LRP1B: variants seen among roughly 807,000 people sequenced by gnomAD.
LRP1B encodes low-density lipoprotein receptor-related protein 1B.
Under a neutral mutation model 556.6 loss-of-function variants are expected in LRP1B, and 217 were observed. The observed-to-expected ratio is 0.39, with a 90% CI of 0.35 to 0.44. LRP1B has a LOEUF of 0.44. LRP1B is among the 20% of genes least tolerant of loss of function. The pLI, the probability that LRP1B is intolerant of heterozygous loss-of-function variation, is 1.00. For synonymous variants in LRP1B, 2,047 were observed against 1,865.8 expected (o/e 1.10, Z -2.50); for missense variants, 5,053 against 5,620.8 (o/e 0.90, Z 3.23).
chr2:142,025,887 A>G (rs570733884), intron 1 of LRP1B, among the ~76,000 whole-genome samples: 3 of 152,244 alleles, frequency 2.0e-5, no homozygotes, highest in South Asian at 2.1e-4. Context: ...TCGAATTACA[A>G]TGATAACAAG....
Position 140,742,990 on chromosome 2 carries a change from A to C in LRP1B, c.5759-26174T>G, listed in dbSNP as rs565452352. On this transcript the variant is annotated intron_variant, in intron 35 of 90. Transcript: ENST00000389484. ...GAATTTGGGCAGTAAAATAAACATAAACTAATTAAAAATAAGACAAAGATT... is the reference window on the plus strand; with the variant it reads ...GAATTTGGGCAGTAAAATAAACATACACTAATTAAAAATAAGACAAAGATT... Among the ~76,000 whole-genome samples the C allele has an allele frequency of 1.1e-4, 17 of 152,316 alleles. No individual in the cohort carries two copies. In the East Asian group the frequency reaches 3.3e-3, roughly 29 times the overall value.
chr2:140,729,870 T>C (rs1687718282), intron 35 of LRP1B, among the ~76,000 whole-genome samples: 1 of 152,224 alleles, frequency 6.6e-6, no homozygotes, highest in South Asian at 2.1e-4. Context: ...TGAATGATCA[T>C]GCATAACTGC....
chr2:141,716,283 G>C (rs1201319389), intron 2 of LRP1B, among the ~76,000 whole-genome samples: 1 of 152,208 alleles, frequency 6.6e-6, no homozygotes, highest in Non-Finnish European at 1.5e-5. Context: ...AACAGCCACA[G>C]CAGCAAAATT....
intron 2 of LRP1B, among the ~76,000 whole-genome samples, chr2:141,732,628 C>T (rs1443174884): frequency 6.6e-6 from 1 of 152,044 alleles, no homozygotes; most frequent in East Asian, 1.9e-4. Flanking sequence ...CAGTAAGAAA[C>T]ACACACACAG....
chr2:141,221,720 C>G (rs1186039671), intron 6 of LRP1B, among the ~76,000 whole-genome samples: 1 of 151,978 alleles, frequency 6.6e-6, no homozygotes, highest in Non-Finnish European at 1.5e-5. Context: ...AAATCATTAC[C>G]AACTGTATCT....
intron 1 of LRP1B, among the ~76,000 whole-genome samples, chr2:141,836,708 A>G (rs1270725142): frequency 1.3e-5 from 2 of 152,036 alleles, no homozygotes; most frequent in East Asian, 1.9e-4. Context: ...CTTAATTGCA[A>G]TATATTTGTG....
At chr2:141,374,013 A>G (rs549619906) in intron 3 of LRP1B, among the ~76,000 whole-genome samples, 4 of 152,214 alleles carry the variant, frequency 2.6e-5, no homozygotes, top group Non-Finnish European at 5.9e-5. Context: ...TACATGTTTA[A>G]GATCCTTTTG....
chr2:141,119,144 A>G (rs1700980788), intron 7 of LRP1B, among the ~76,000 whole-genome samples: 1 of 151,888 alleles, frequency 6.6e-6, no homozygotes, highest in South Asian at 2.1e-4. Context: ...TCTTTAACAC[A>G]ATTTTGAGAT....
At chr2:140,905,086 C>T (rs1233757057) in intron 22 of LRP1B, among the ~76,000 whole-genome samples, 1 of 152,108 alleles carries the variant, frequency 6.6e-6, no homozygotes, top group Non-Finnish European at 1.5e-5. Flanking sequence ...TTTTTATTAC[C>T]TGACAAAGAC....
intron 2 of LRP1B, among the ~76,000 whole-genome samples, chr2:141,605,175 A>G (rs545876458): frequency 6.6e-6 from 1 of 152,302 alleles, no homozygotes; most frequent in Non-Finnish European, 1.5e-5. Context: ...ACTATGGCCC[A>G]CAAGCAAATC....
chr2:141,707,343 A>G (rs1047096592), intron 2 of LRP1B, among the ~76,000 whole-genome samples: 5 of 152,062 alleles, frequency 3.3e-5, no homozygotes, highest in African/African-American at 1.2e-4. Flanking sequence ...AAAAGGTCCT[A>G]CTGTTCTCAG....
At chr2:140,678,056 A>G (rs1367204693) in intron 41 of LRP1B, among the ~76,000 whole-genome samples, 2 of 152,174 alleles carry the variant, frequency 1.3e-5, no homozygotes, top group African/African-American at 4.8e-5. Context: ...AATAGTAAAA[A>G]GCAGAGCCAC....
In LRP1B at chr2:141,039,845, T is replaced by C. The variant is rs191847910; in HGVS notation, c.1789+9141A>G. 5.9e-5 allele frequency among the ~76,000 whole-genome samples: 9 copies of C among 152,204 alleles called. No homozygotes were observed. The East Asian group carries it at 1.4e-3, about 23-fold the overall frequency. On this transcript the variant is annotated intron_variant, in intron 11 of 90. Coordinates refer to ENST00000389484, the MANE Select transcript of LRP1B (RefSeq NM_018557.3). ...TCTACTTTTCAGACAAAAATACATA[T>C]ATTGGTTCAAATTACTTTTCAAACA...
chr2:141,318,397 G>T (rs1323725699), intron 3 of LRP1B, among the ~76,000 whole-genome samples: 9 of 152,092 alleles, frequency 5.9e-5, no homozygotes, highest in Non-Finnish European at 1.2e-4. Context: ...ATATGAATTT[G>T]GGGTTGTTTT....
intron 3 of LRP1B, among the ~76,000 whole-genome samples, chr2:141,268,118 A>T (rs1684957326): frequency 6.6e-6 from 1 of 152,190 alleles, no homozygotes; most frequent in Non-Finnish European, 1.5e-5. Flanking sequence ...GAACAAAGAC[A>T]AATGCAAAGC....
At chr2:141,461,994 T>C (rs902959758) in intron 3 of LRP1B, among the ~76,000 whole-genome samples, 4 of 152,230 alleles carry the variant, frequency 2.6e-5, no homozygotes, top group African/African-American at 9.6e-5. Flanking sequence ...GTTCATCTTA[T>C]ACCATTTTCC....
At chr2:141,732,546 G>C (rs998069175) in intron 2 of LRP1B, among the ~76,000 whole-genome samples, 1 of 152,018 alleles carries the variant, frequency 6.6e-6, no homozygotes, top group Non-Finnish European at 1.5e-5. Flanking sequence ...ATCATCAACT[G>C]AGGTTTTATA....
chr2:141,311,602 T>C (rs749482327), intron 3 of LRP1B, among the ~76,000 whole-genome samples: 70 of 152,254 alleles, frequency 4.6e-4, no homozygotes, highest in African/African-American at 6.5e-4. Context: ...TAGAGGTAGG[T>C]TGTCATCAGG....
chr2:140,900,376 A>G (rs1436567901), intron 23 of LRP1B, among the ~76,000 whole-genome samples: 1 of 152,224 alleles, frequency 6.6e-6, no homozygotes, highest in Non-Finnish European at 1.5e-5. Context: ...TTCAAAACAC[A>G]TAGGTGAATG....
Sources: allele counts gnomAD v4.1 joint callset (sites outside exome capture counted in the v4.1 genomes callset), GRCh38; gene constraint gnomAD v4.1.1; transcripts MANE v1.5; gene names NCBI Gene and HGNC (gene_info 2026-07-23, HGNC 2026-07-21).